RGS6: variants seen among roughly 807,000 people sequenced by gnomAD.
RGS6 encodes the protein regulator of G-protein signaling 6.
Under a neutral mutation model 78.5 loss-of-function variants are expected in RGS6, and 30 were observed. The observed-to-expected ratio is 0.38, with a 90% CI of 0.29 to 0.52. The LOEUF is 0.52. Ranked by LOEUF, RGS6 falls within the 20% of genes least tolerant of loss-of-function variation. The pLI, the probability that RGS6 is intolerant of heterozygous loss-of-function variation, is 0.85. For synonymous variants in RGS6, 206 were observed against 206.0 expected, an observed-to-expected ratio of 1.00 and a Z score of 0.00; for missense variants, 495 against 609.7, an observed-to-expected ratio of 0.81 and a Z score of 1.98.
At chr14:72,280,596 T>C (rs1411899947) in intron 2 of RGS6, among the ~76,000 whole-genome samples, 2 of 152,208 alleles carry the variant, frequency 1.3e-5, no homozygotes, top group African/African-American at 4.8e-5. Context: ...TTCCCGGCAC[T>C]AGGGACACAG....
At position 72,181,606 on chromosome 14, in the gene RGS6, A is replaced by G. The variant is rs2097174000; in HGVS notation, c.85-170489A>G. On this transcript the variant is annotated intron_variant, in intron 2 of 17. Coordinates refer to ENST00000553525, the MANE Select transcript of RGS6 (RefSeq NM_001204424.2). ...TGATTCCTTCTGCATAATGTGCTAT[A>G]TACTGATTTGCACTGTATGGAGTAA... Among the ~76,000 whole-genome samples, 3 of 152,222 alleles carry G rather than the reference A, an allele frequency of 2.0e-5. No homozygotes were observed. The South Asian group carries it at 6.2e-4, about 31-fold the overall frequency.
chr14:72,427,342 A>G (rs934267190), intron 3 of RGS6, among the ~76,000 whole-genome samples: 3 of 152,244 alleles, frequency 2.0e-5, no homozygotes, highest in African/African-American at 4.8e-5. Flanking sequence ...TAGAAAAAAC[A>G]TAGTATATGT....
chr14:72,557,805 T>C (rs185879290), intron 17 of RGS6, among the ~76,000 whole-genome samples: 73 of 152,240 alleles, frequency 4.8e-4, no homozygotes, highest in African/African-American at 1.6e-3. Flanking sequence ...AGGCTAGAAA[T>C]AGTGTTCCAC....
intron 4 of RGS6, among the ~76,000 whole-genome samples, chr14:72,455,138 G>A (rs1162930276): frequency 1.5e-5 from 2 of 134,430 alleles, no homozygotes; most frequent in Non-Finnish European, 3.3e-5. Flanking sequence ...TATTTTCACA[G>A]TGTAATTAGG....
intron 1 of RGS6, among the ~76,000 whole-genome samples, chr14:71,944,876 G>C (rs927951327): frequency 1.7e-4 from 26 of 152,188 alleles, no homozygotes; most frequent in African/African-American, 6.0e-4. Flanking sequence ...CCTAGGCCAT[G>C]TGGTATAGTG....
At chr14:72,319,219 C>G (rs2071166538) in intron 2 of RGS6, among the ~76,000 whole-genome samples, 1 of 152,090 alleles carries the variant, frequency 6.6e-6, no homozygotes, top group South Asian at 2.1e-4. Context: ...GATAACATTA[C>G]CATGATCTTG....
intron 15 of RGS6, among the ~76,000 whole-genome samples, chr14:72,524,333 G>A (rs755252831): frequency 2.0e-5 from 3 of 152,162 alleles, no homozygotes; most frequent in Non-Finnish European, 4.4e-5. Flanking sequence ...CATGGTGATG[G>A]GCATAGTAGG....
chr14:71,992,243 G>C (rs1478189155), intron 2 of RGS6, among the ~76,000 whole-genome samples: 1 of 152,168 alleles, frequency 6.6e-6, no homozygotes, highest in Non-Finnish European at 1.5e-5. Flanking sequence ...ATGTTGGCCA[G>C]GCTGGTCTTG....
intron 2 of RGS6, among the ~76,000 whole-genome samples, chr14:72,239,964 A>T (rs1464231133): frequency 2.0e-5 from 3 of 152,212 alleles, no homozygotes; most frequent in Non-Finnish European, 2.9e-5. Flanking sequence ...CTGTCTTGGT[A>T]CTTCCTGCTT....
chr14:72,115,132 C>T (rs1390418477), intron 2 of RGS6, among the ~76,000 whole-genome samples: 1 of 152,146 alleles, frequency 6.6e-6, no homozygotes, highest in East Asian at 1.9e-4. Context: ...TGGAACGTGT[C>T]TCGGAATATG....
chr14:72,475,307 A>T lies in RGS6; in HGVS notation c.693+608A>T, dbSNP rs536357503. On this transcript the variant is annotated intron_variant, in intron 10 of 17. Coordinates refer to ENST00000553525, the MANE Select transcript of RGS6 (RefSeq NM_001204424.2). Reference sequence around the variant, plus strand: ...TGGTCACTTGTGTTTCACTTTACTCAAAGGAGTAGTGGTCACAGCATACCC... The same window carrying T: ...TGGTCACTTGTGTTTCACTTTACTCTAAGGAGTAGTGGTCACAGCATACCC... Among the ~76,000 whole-genome samples, 6 of 148,298 alleles carry T rather than the reference A, an allele frequency of 4.0e-5. 1 individual carries two copies. In the South Asian group the frequency reaches 1.3e-3, roughly 31 times the overall value.
At chr14:72,462,054 T>A (rs188638119) in intron 6 of RGS6, among the ~76,000 whole-genome samples, 1 of 152,264 alleles carries the variant, frequency 6.6e-6, no homozygotes, top group East Asian at 1.9e-4. Flanking sequence ...AGGAAGCATG[T>A]GAAACTGAAG....
chr14:71,882,277 G>T, the RGS6 span, among the ~76,000 whole-genome samples: 76,816 of 152,048 alleles, frequency 0.51, 19,722 homozygotes, highest in South Asian at 0.67. Context: ...TGTCAGAATT[G>T]CATTTCTTTT....
intron 2 of RGS6, among the ~76,000 whole-genome samples, chr14:72,088,849 A>G (rs935630814): frequency 6.6e-6 from 1 of 152,076 alleles, no homozygotes; most frequent in African/African-American, 2.4e-5. Context: ...TCTGCTCCTC[A>G]GTCACTCCAA....
intron 3 of RGS6, among the ~76,000 whole-genome samples, chr14:72,353,448 G>A (rs77483371): frequency 0.029 from 4,429 of 152,226 alleles, 189 homozygotes; most frequent in African/African-American, 0.1. Flanking sequence ...TCATTTTTCT[G>A]AGTGAAAGAA....
chr14:72,170,457 A>C (rs2096997006), intron 2 of RGS6, among the ~76,000 whole-genome samples: 1 of 152,190 alleles, frequency 6.6e-6, no homozygotes, highest in Non-Finnish European at 1.5e-5. Context: ...CAGCAAGATT[A>C]AGAGGTGAAA....
At chr14:72,454,345 T>C (rs545991090) in intron 3 of RGS6, among the ~76,000 whole-genome samples, 183 bp from the exon 4 acceptor site, 2 of 152,296 alleles carry the variant, frequency 1.3e-5, no homozygotes, top group African/African-American at 2.4e-5. Context: ...AAGAATGGAA[T>C]TGTAACTATG....
At chr14:72,333,738 T>C (rs1178641342) in intron 2 of RGS6, among the ~76,000 whole-genome samples, 1 of 152,074 alleles carries the variant, frequency 6.6e-6, no homozygotes, top group Admixed American at 6.5e-5. Context: ...ATCACACCCA[T>C]GACCTTGGGG....
chr14:72,539,715 C>T (rs1332945850), intron 16 of RGS6, among the ~76,000 whole-genome samples: 1 of 152,190 alleles, frequency 6.6e-6, no homozygotes, highest in Non-Finnish European at 1.5e-5. Context: ...GCTGCTCAAA[C>T]CCACCGACTG....
Sources: allele counts gnomAD v4.1 joint callset (sites outside exome capture counted in the v4.1 genomes callset), GRCh38; gene constraint gnomAD v4.1.1; transcripts MANE v1.5; gene names NCBI Gene and HGNC (gene_info 2026-07-23, HGNC 2026-07-21).